The following HEPACAM variants were observed in gnomAD, a reference collection of about 807,000 sequenced individuals.
The protein encoded by HEPACAM is hepatocyte cell adhesion molecule.
A neutral mutation model predicts 38.3 loss-of-function variants in HEPACAM; 18 were observed. The ratio of observed to expected loss-of-function variants is 0.47; its 90% CI spans 0.33 to 0.70. HEPACAM has a LOEUF of 0.70. Among genes scored for constraint, HEPACAM ranks in the 30% least tolerant of loss-of-function variants. HEPACAM has a pLI of 0.03. For synonymous variants in HEPACAM, 216 were observed against 243.1 expected, an observed-to-expected ratio of 0.89 and a Z score of 1.04; for missense variants, 466 against 563.0, an observed-to-expected ratio of 0.83 and a Z score of 1.74.
In HEPACAM at chr11:124,919,877, TC is replaced by T; in HGVS notation, c.*1260del. On this transcript the variant is annotated 3_prime_UTR_variant, in exon 7 of 7. Transcript: ENST00000298251. The stretch of plus-strand genomic sequence containing the variant: ...GAGGGAATGGAATACACAGAGGGCC[TC>T]CTTCTCTTTCAGCTTTTTAATTGCC... The T allele has an allele frequency of 6.2e-7, 1 of 1,614,172 alleles. No individual in the cohort carries two copies. The highest frequency in any genetic ancestry group is 8.5e-7 in the Non-Finnish European group (1 of 1,180,030).
chr11:124,923,552 G>A (rs2135398634), intron 3 of HEPACAM, 119 bp from the exon 4 acceptor site: 1 of 1,093,576 alleles, frequency 9.1e-7, no homozygotes, highest in Non-Finnish European at 1.4e-6. Context: ...CCTGGCTGAT[G>A]CTGGTGGTGG....
rs542083001 is a variant in HEPACAM, at chr11:124,927,074, G to A, written c.86-2005C>T. 1.7e-3 allele frequency among the ~76,000 whole-genome samples: 261 copies of A among 152,188 alleles called. 11 individuals carry two copies. In the South Asian group the frequency reaches 0.052, roughly 30 times the overall value. On this transcript the variant is annotated intron_variant, in intron 1 of 6. Coordinates refer to ENST00000298251, the MANE Select transcript of HEPACAM (RefSeq NM_152722.5). Reference sequence around the variant, plus strand: ...TTTAGTAGAGACGGGGTTTCAGCGTGTTAGCCAGGATGGTGTCAATCTCCT... The same window carrying A: ...TTTAGTAGAGACGGGGTTTCAGCGTATTAGCCAGGATGGTGTCAATCTCCT...
In HEPACAM at chr11:124,920,861, A is replaced by C. The variant is rs1235093752; in HGVS notation, c.*277T>G. On this transcript the variant is annotated 3_prime_UTR_variant, in exon 7 of 7. Coordinates refer to ENST00000298251, the MANE Select transcript of HEPACAM (RefSeq NM_152722.5). The stretch of plus-strand genomic sequence containing the variant: ...TTGGGTATTGGGCCAGAAATGTAAT[A>C]ATCTATGTGGTCCTAAGAGGGCACA... 3.2e-6 allele frequency: 4 copies of C among 1,255,714 alleles called. No individual in the cohort carries two copies. The highest frequency in any genetic ancestry group is 2.0e-6 in the Non-Finnish European group (2 of 1,000,324). 77.8% of individuals were successfully genotyped at this position (1,255,714 alleles called of 1,614,324 possible). A position where few individuals can be genotyped will look rare whatever the true frequency, so the allele number is the denominator to read the frequency against.
rs778954540 is a variant in HEPACAM, at chr11:124,922,863, G to A, written c.804-45C>T. On this transcript the variant is annotated intron_variant, in intron 4 of 6. Coordinates refer to ENST00000298251, the MANE Select transcript of HEPACAM (RefSeq NM_152722.5). ...CACTATGAGCCGAATTATTGAATGTGAGTAGAAGATCCAGTGGGGACACAG... is the reference window on the plus strand; with the variant it reads ...CACTATGAGCCGAATTATTGAATGTAAGTAGAAGATCCAGTGGGGACACAG... 89 of 1,597,454 alleles carry A rather than the reference G, an allele frequency of 5.6e-5. 1 individual carries two copies. Among genetic ancestry groups the A allele is most frequent in the Middle Eastern group, 5.0e-4 (3 of 6,060 alleles).
At chr11:124,931,893 A>T (rs1052995800) in intron 1 of HEPACAM, among the ~76,000 whole-genome samples, 3 of 152,280 alleles carry the variant, frequency 2.0e-5, no homozygotes, top group Admixed American at 6.5e-5. Context: ...TGGCATATTC[A>T]TACAATGGAA....
At chr11:124,923,492 G>T in intron 3 of HEPACAM, 59 bp from the exon 4 acceptor site, 1 of 1,289,386 alleles carries the variant, frequency 7.8e-7, no homozygotes, top group Non-Finnish European at 1.1e-6. Context: ...GATGTGGTGA[G>T]CAGAACTTCC....
chr11:124,931,847 A>G (rs1051367356), intron 1 of HEPACAM, among the ~76,000 whole-genome samples: 3 of 152,270 alleles, frequency 2.0e-5, no homozygotes, highest in African/African-American at 7.2e-5. Flanking sequence ...GGAAACAACC[A>G]AAGTGTCTAT....
In HEPACAM at chr11:124,922,015, T is replaced by C. The variant is rs571434576; in HGVS notation, c.948+373A>G. Among the ~76,000 whole-genome samples the C allele has an allele frequency of 5.9e-5, 9 of 152,340 alleles. 1 individual carries two copies. The South Asian group carries it at 1.2e-3, about 21-fold the overall frequency. On this transcript the variant is annotated intron_variant, in intron 6 of 6. Coordinates refer to ENST00000298251, the MANE Select transcript of HEPACAM (RefSeq NM_152722.5). ...CGGTAGGCCAGAGAGCAAAGCTTCA[T>C]ATGTATTTACAGACATGCCCCATGG...
chr11:124,930,532 A>C (rs1947269507), intron 1 of HEPACAM, among the ~76,000 whole-genome samples: 1 of 152,210 alleles, frequency 6.6e-6, no homozygotes, highest in Admixed American at 6.5e-5. Flanking sequence ...ATAGGTATTA[A>C]GATGGCACAC....
chr11:124,934,405 C>T (rs530713857), intron 1 of HEPACAM, among the ~76,000 whole-genome samples: 35 of 151,556 alleles, frequency 2.3e-4, no homozygotes, highest in African/African-American at 8.2e-4. Context: ...AGAATGTGAA[C>T]TTATTTGGCA....
intron 1 of HEPACAM, among the ~76,000 whole-genome samples, chr11:124,928,490 T>A (rs1000755140): frequency 2.6e-5 from 4 of 152,158 alleles, no homozygotes; most frequent in African/African-American, 9.7e-5. Context: ...AAGGGTTACA[T>A]GTGCAGAGCC....
rs1947119754 is a variant in HEPACAM at position 124,920,709 on chromosome 11, A to AAAAAAAT, written c.*428_*429insATTTTTT. Reference sequence around the variant, plus strand: ...AAAAAAAAAAAAAAAAAAAAAAAAAAGTGCCCCAGCACTCAGGCATTTGTT... The same window carrying AAAAAAAT: ...AAAAAAAAAAAAAAAAAAAAAAAAAAAAAAAATGTGCCCCAGCACTCAGGCATTTGTT... On this transcript the variant is annotated 3_prime_UTR_variant, in exon 7 of 7. Coordinates refer to ENST00000298251, the MANE Select transcript of HEPACAM (RefSeq NM_152722.5). The AAAAAAAT allele has an allele frequency of 9.0e-6, 9 of 1,004,150 alleles. No individual in the cohort carries two copies. Among genetic ancestry groups the AAAAAAAT allele is most frequent in the African/African-American group, 7.9e-5 (4 of 50,412 alleles). The allele number at this position is 1,004,150 out of a possible 1,614,324, so 62.2% of individuals were successfully genotyped here.
intron 1 of HEPACAM, among the ~76,000 whole-genome samples, chr11:124,933,977 T>C (rs1182656008): frequency 6.6e-6 from 1 of 152,168 alleles, no homozygotes; most frequent in Admixed American, 6.5e-5. Flanking sequence ...ATCCCACGTT[T>C]TTCCCTTCCT....
Position 124,925,024 on chromosome 11 carries a change from T to C in HEPACAM, c.131A>G (p.His44Arg), listed in dbSNP as rs754650995. 1.2e-6 allele frequency: 2 copies of C among 1,605,718 alleles called. No individual in the cohort carries two copies. Among genetic ancestry groups the C allele is most frequent in the Non-Finnish European group, 1.7e-6 (2 of 1,173,648 alleles). Residue 44 changes from histidine (H) to arginine (R), a missense_variant, in exon 2 of 7, where the codon CAT (histidine) becomes CGT (arginine). His to Arg is a conservative substitution (Grantham distance 29, BLOSUM62 0). Coordinates refer to ENST00000298251, the MANE Select transcript of HEPACAM (RefSeq NM_152722.5). ...VNITSPVRLI[H>R]GTVGKSALLS... ...CAGAGCCGACTTCCCCACGGTGCCA[T>C]GGATCAGGCGCACGGGGCTGGTGAT... is the stretch of plus-strand genomic sequence containing the variant.
intron 1 of HEPACAM, among the ~76,000 whole-genome samples, chr11:124,927,035 A>AT (rs1171912469): frequency 6.6e-6 from 1 of 151,700 alleles, no homozygotes; most frequent in Non-Finnish European, 1.5e-5. Context: ...CGCCCGGCCA[A>AT]TTTTTTTGTA....
In HEPACAM at chr11:124,921,993, T is replaced by C. The variant is rs1175778526; in HGVS notation, c.948+395A>G. Among the ~76,000 whole-genome samples the C allele has an allele frequency of 6.6e-6, 1 of 152,222 alleles. No individual in the cohort carries two copies. Among genetic ancestry groups the C allele is most frequent in the Non-Finnish European group, 1.5e-5 (1 of 68,026 alleles). ...GAGCGGCAGAGCAGGAGGTGAGCGG[T>C]AGGCCAGAGAGCAAAGCTTCATATG... On this transcript the variant is annotated intron_variant, in intron 6 of 6. Coordinates refer to ENST00000298251, the MANE Select transcript of HEPACAM (RefSeq NM_152722.5). This position sits in a 1 kb window ranked among gnomAD's most constrained non-coding sequence, Gnocchi z 4.6.
chr11:124,919,810 T>C lies in HEPACAM; in HGVS notation c.*1328A>G, dbSNP rs2135393179. The C allele has an allele frequency of 6.2e-7, 1 of 1,614,134 alleles. No individual in the cohort carries two copies. The highest frequency in any genetic ancestry group is 1.1e-5 in the South Asian group (1 of 91,076). Reference sequence around the variant, plus strand: ...TTGATGGCGAATCAGAGCTGGAGTTTAGGAGACTAGGGATGCAAGGACCCT... The same window carrying C: ...TTGATGGCGAATCAGAGCTGGAGTTCAGGAGACTAGGGATGCAAGGACCCT... On this transcript the variant is annotated 3_prime_UTR_variant, in exon 7 of 7. Transcript: ENST00000298251.
chr11:124,925,090 G>T (rs751086031), intron 1 of HEPACAM, 21 bp from the exon 2 acceptor site: 98 of 1,554,782 alleles, frequency 6.3e-5, no homozygotes, highest in Non-Finnish European at 8.4e-5. Flanking sequence ...AGGCCCATGA[G>T]GAAGAGGGAA....
At chr11:124,923,662 C>T (rs1947168346) in intron 3 of HEPACAM, 67 bp downstream of exon 3, 1 of 1,584,974 alleles carries the variant, frequency 6.3e-7, no homozygotes, top group African/African-American at 1.3e-5. Flanking sequence ...GGGATGTCCT[C>T]AGTCCCTCAT....
Sources: allele counts gnomAD v4.1 joint callset (sites outside exome capture counted in the v4.1 genomes callset), GRCh38; gene constraint gnomAD v4.1.1; non-coding constraint Gnocchi (gnomAD v3.1); transcripts MANE v1.5; gene names NCBI Gene and HGNC (gene_info 2026-07-23, HGNC 2026-07-21).